The following RTTN variants were observed in gnomAD, a reference collection of about 807,000 sequenced individuals.
RTTN encodes the protein rotatin.
In RTTN, 182 loss-of-function variants were observed where a neutral mutation model predicts 269.2. That is an observed-to-expected ratio of 0.68 (90% CI 0.60 to 0.76). The LOEUF (loss-of-function observed/expected upper bound fraction) is 0.76. Ranked by LOEUF, RTTN falls within the 30% of genes least tolerant of loss-of-function variation. The pLI is 0.00. For synonymous variants in RTTN, 1,006 were observed against 963.5 expected (o/e 1.04, Z -0.82); for missense variants, 2,545 against 2,608.6 (o/e 0.98, Z 0.53).
chr18:70,176,646 G>C (rs768917616), intron 11 of RTTN, 29 bp downstream of exon 11: 1 of 1,598,818 alleles, frequency 6.3e-7, no homozygotes, highest in Non-Finnish European at 8.5e-7. Context: ...AGTCTGTAAA[G>C]TACAAATGAG....
At position 70,114,471 on chromosome 18, in the gene RTTN, C is replaced by CA; in HGVS notation, c.3656dup (p.Leu1220AlafsTer8). 1 of 1,613,036 alleles carries CA rather than the reference C, an allele frequency of 6.2e-7. No individual in the cohort carries two copies. Among genetic ancestry groups the CA allele is most frequent in the Non-Finnish European group, 8.5e-7 (1 of 1,179,356 alleles). On this transcript the variant is annotated frameshift_variant, in exon 27 of 49. Transcript: ENST00000640769. LOFTEE classifies it high-confidence loss of function. ...TGTCAGTAACTTCCATGAAATTGAG[C>CA]AGCAAGGTATCAAAAAGAGCAATCA...
intron 10 of RTTN, among the ~76,000 whole-genome samples, chr18:70,186,682 T>C (rs1338042247): frequency 6.6e-6 from 1 of 152,208 alleles, no homozygotes; most frequent in African/African-American, 2.4e-5. Context: ...ATGAATACTA[T>C]GCAGCCATAA....
At chr18:70,006,565 C>G (rs1172940931) in intron 46 of RTTN, 81 bp from the exon 47 acceptor site, 3 of 1,032,590 alleles carry the variant, frequency 2.9e-6, no homozygotes, top group East Asian at 5.0e-5. Flanking sequence ...CAGACACCCC[C>G]CTCTTTTCCC....
chr18:70,190,095 A>C (rs2061635984), intron 9 of RTTN, among the ~76,000 whole-genome samples: 4 of 152,138 alleles, frequency 2.6e-5, no homozygotes, highest in Admixed American at 2.0e-4. Flanking sequence ...GCTAATCAAA[A>C]AGTTTCCAAA....
At position 70,065,856 on chromosome 18, in the gene RTTN, C is replaced by T; in HGVS notation, c.4720G>A (p.Ala1574Thr). 1 of 1,600,844 alleles carries T rather than the reference C, an allele frequency of 6.2e-7. No individual in the cohort carries two copies. The highest frequency in any genetic ancestry group is 8.5e-7 in the Non-Finnish European group (1 of 1,172,524). Residue 1574 changes from alanine (A) to threonine (T), a missense_variant, in exon 35 of 49, where the codon GCC (alanine) becomes ACC (threonine). Coordinates refer to ENST00000640769, the MANE Select transcript of RTTN (RefSeq NM_173630.4). ...TGAGCCACAAACTGGTCATGGGAGG[C>T]TTCAGGTAGAAGTGTTGTTGACTGC... ...LVQSTTLLPE[A>T]SHDQFVAQGH...
At chr18:70,186,490 G>A (rs931547698) in intron 10 of RTTN, among the ~76,000 whole-genome samples, 8 of 152,034 alleles carry the variant, frequency 5.3e-5, no homozygotes, top group Non-Finnish European at 1.0e-4. Context: ...GCGGTGGCTC[G>A]CACCTGTAAT....
intron 17 of RTTN, among the ~76,000 whole-genome samples, chr18:70,147,529 C>T (rs1344358310): frequency 1.3e-5 from 2 of 152,114 alleles, no homozygotes; most frequent in East Asian, 1.9e-4. Flanking sequence ...CATTAAGCAA[C>T]GCATGACTGT....
At chr18:70,053,317 T>C (rs1568304276) in intron 38 of RTTN, 1 of 152,242 alleles carries the variant, frequency 6.6e-6, no homozygotes, top group Non-Finnish European at 1.5e-5. Context: ...AGAATCAATG[T>C]TCACTCCTTA....
At chr18:70,100,966 G>A (rs1470933022) in intron 28 of RTTN, among the ~76,000 whole-genome samples, 1 of 152,128 alleles carries the variant, frequency 6.6e-6, no homozygotes, top group East Asian at 1.9e-4. Context: ...ATGTGCTGCT[G>A]GATTCAGTTT....
chr18:70,004,261 G>C (rs1338057739), intron 48 of RTTN, 25 bp from the exon 49 acceptor site: 1 of 1,533,014 alleles, frequency 6.5e-7, no homozygotes, highest in Admixed American at 1.7e-5. Context: ...TAAGAGTACA[G>C]AAATACTAGT....
intron 45 of RTTN, 42 bp downstream of exon 45, chr18:70,020,573 C>G: frequency 6.8e-7 from 1 of 1,462,756 alleles, no homozygotes. Flanking sequence ...GATTATTTCA[C>G]TGAGTACCCT....
chr18:70,080,157 C>G (rs1156394453), intron 32 of RTTN, among the ~76,000 whole-genome samples: 1 of 151,924 alleles, frequency 6.6e-6, no homozygotes, highest in Non-Finnish European at 1.5e-5. Context: ...TATCAAATAT[C>G]AAAATAATAT....
At chr18:70,204,956 G>C (rs554068616) in intron 2 of RTTN, among the ~76,000 whole-genome samples, 172 bp downstream of exon 2, 1 of 152,234 alleles carries the variant, frequency 6.6e-6, no homozygotes, top group East Asian at 1.9e-4. Context: ...GTGGGATTCA[G>C]TATCACAAAT....
chr18:70,073,994 C>A lies in RTTN; in HGVS notation c.4565G>T (p.Gly1522Val). 1 of 1,607,120 alleles carries A rather than the reference C, an allele frequency of 6.2e-7. No homozygotes were observed. Among genetic ancestry groups the A allele is most frequent in the Non-Finnish European group, 8.5e-7 (1 of 1,174,376 alleles). The stretch of plus-strand genomic sequence containing the variant: ...CCAAAACTTGAATGAGTCATCTAAA[C>A]CTGCAACAACGAGAAAATTGTTAAC... ...DRNSESNDLN[G>V]LDDSFKFWRA... Residue 1522 changes from glycine to valine, a missense_variant and splice_region_variant, in exon 34 of 49, where the codon GGT (glycine) becomes GTT (valine). Transcript: ENST00000640769.
chr18:70,149,152 T>A, intron 16 of RTTN, 115 bp from the exon 17 acceptor site: 2 of 832,268 alleles, frequency 2.4e-6, no homozygotes, highest in Non-Finnish European at 3.7e-6. Context: ...TTGGATTCAG[T>A]TGAATAAAAT....
At chr18:70,189,649 C>A (rs561488300) in intron 9 of RTTN, among the ~76,000 whole-genome samples, 17 of 152,112 alleles carry the variant, frequency 1.1e-4, no homozygotes, top group African/African-American at 4.1e-4. Flanking sequence ...TGACTTCAGG[C>A]AAGTTTCTAA....
chr18:70,028,131 A>G (rs954141491), intron 43 of RTTN, among the ~76,000 whole-genome samples: 1 of 152,232 alleles, frequency 6.6e-6, no homozygotes, highest in Admixed American at 6.5e-5. Context: ...GACAAAGCAA[A>G]TCAGAGTGTT....
At chr18:70,134,846 C>T (rs529171525) in intron 22 of RTTN, among the ~76,000 whole-genome samples, 5 of 152,182 alleles carry the variant, frequency 3.3e-5, no homozygotes, top group Admixed American at 2.0e-4. Flanking sequence ...CATATACTAT[C>T]GTCCTAAATA....
At chr18:70,025,867 T>G (rs1033044629) in intron 43 of RTTN, among the ~76,000 whole-genome samples, 2 of 152,246 alleles carry the variant, frequency 1.3e-5, no homozygotes, top group African/African-American at 4.8e-5. Context: ...ATCTGTGTTC[T>G]GAAACACAGC....
Sources: gnomAD v4.1 joint callset for allele counts (sites outside exome capture counted in the v4.1 genomes callset) on GRCh38, gnomAD v4.1.1 for gene constraint, MANE v1.5 for transcripts, NCBI Gene and HGNC (gene_info 2026-07-23, HGNC 2026-07-21) for gene names.